Variants in LEKR1 observed in about 807,000 individuals in gnomAD.
LEKR1 encodes the protein leucine, glutamate and lysine rich 1.
LEKR1 carries 59 observed loss-of-function variants against 72.4 expected under a neutral mutation model. The ratio of observed to expected loss-of-function variants is 0.82; its 90% CI spans 0.66 to 1.01. The LOEUF is 1.01. Ranked by LOEUF, LEKR1 falls within the 50% of genes least tolerant of loss-of-function variation. LEKR1 has a pLI of 0.00. For missense variants in LEKR1, 728 were observed against 759.2 expected, an observed-to-expected ratio of 0.96 and a Z score of 0.48; for synonymous variants, 257 against 263.2, an observed-to-expected ratio of 0.98 and a Z score of 0.23.
chr3:157,014,505 C>G (rs1006018644), intron 10 of LEKR1, among the ~76,000 whole-genome samples: 2 of 151,972 alleles, frequency 1.3e-5, no homozygotes, highest in African/African-American at 2.4e-5. Flanking sequence ...CCTAATAATT[C>G]CTAACGTGTT....
intron 3 of LEKR1, among the ~76,000 whole-genome samples, chr3:156,910,086 GA>G (rs1157055983): frequency 6.6e-6 from 1 of 152,036 alleles, no homozygotes; most frequent in African/African-American, 2.4e-5. Flanking sequence ...AAGTGGGGAT[GA>G]AAAAAGAGGA....
At chr3:157,035,784 A>T (rs1220110428) in intron 12 of LEKR1, among the ~76,000 whole-genome samples, 1 of 152,188 alleles carries the variant, frequency 6.6e-6, no homozygotes, top group Non-Finnish European at 1.5e-5. Flanking sequence ...CTGTAATCCC[A>T]GCTACTTGGG....
At chr3:156,923,659 CAT>C (rs752623657) in intron 4 of LEKR1, among the ~76,000 whole-genome samples, 6 of 151,996 alleles carry the variant, frequency 3.9e-5, no homozygotes, top group Non-Finnish European at 8.8e-5. Context: ...TTTGTGTGGA[CAT>C]ATGTTTTCAA....
chr3:157,001,436 C>G (rs1427895224), intron 9 of LEKR1, among the ~76,000 whole-genome samples: 2 of 152,140 alleles, frequency 1.3e-5, no homozygotes, highest in East Asian at 3.8e-4. Flanking sequence ...GAATTTAAAA[C>G]TGTCATTTTG....
At position 157,045,788 on chromosome 3, in the gene LEKR1, C is replaced by A. The variant is rs759504421; in HGVS notation, c.*38C>A. 1.7e-5 allele frequency: 27 copies of A among 1,565,966 alleles called. No individual in the cohort carries two copies. The African/African-American group carries it at 2.2e-4, about 13-fold the overall frequency. ...AGCAGGAAGCTCCCTACAGCGTGCA[C>A]GCTCTTTCAGAGAGTGCCAGGAATT... On this transcript the variant is annotated 3_prime_UTR_variant, in exon 13 of 13. Transcript: ENST00000356539.
chr3:156,870,741 C>A (rs1231505484), intron 3 of LEKR1, among the ~76,000 whole-genome samples: 1 of 151,960 alleles, frequency 6.6e-6, no homozygotes, highest in Non-Finnish European at 1.5e-5. Flanking sequence ...AGTGTGTATC[C>A]TTGTCTTATT....
At chr3:156,952,941 A>G (rs1727297174) in intron 6 of LEKR1, among the ~76,000 whole-genome samples, 1 of 151,500 alleles carries the variant, frequency 6.6e-6, no homozygotes, top group Non-Finnish European at 1.5e-5. Context: ...GCTCCAAACT[A>G]TATTGTCAAA....
intron 3 of LEKR1, among the ~76,000 whole-genome samples, chr3:156,887,361 G>T (rs1560053726): frequency 6.6e-6 from 1 of 152,074 alleles, no homozygotes; most frequent in Non-Finnish European, 1.5e-5. Context: ...GAGTGTGGCT[G>T]TAAAGCCTAG....
intron 12 of LEKR1, among the ~76,000 whole-genome samples, chr3:157,040,192 T>G (rs1464947848): frequency 6.6e-6 from 1 of 152,204 alleles, no homozygotes; most frequent in East Asian, 1.9e-4. Flanking sequence ...TAGTTAAATT[T>G]TGTATGTTTA....
At chr3:156,974,184 T>G (rs1729494531) in intron 6 of LEKR1, among the ~76,000 whole-genome samples, 1 of 152,140 alleles carries the variant, frequency 6.6e-6, no homozygotes, top group South Asian at 2.1e-4. Flanking sequence ...AAATATTATG[T>G]ATCAGTCAGA....
chr3:156,907,366 A>C (rs1722626224), intron 3 of LEKR1, among the ~76,000 whole-genome samples: 1 of 151,974 alleles, frequency 6.6e-6, no homozygotes, highest in Non-Finnish European at 1.5e-5. Flanking sequence ...CCCATTGATA[A>C]ATCTTGGCAT....
At chr3:156,897,464 C>T (rs1301362251) in intron 3 of LEKR1, among the ~76,000 whole-genome samples, 1 of 148,686 alleles carries the variant, frequency 6.7e-6, no homozygotes, top group African/African-American at 2.5e-5. Flanking sequence ...TTTAGGGAGG[C>T]ATGAGACATC....
chr3:156,862,760 A>G (rs561789628), intron 3 of LEKR1, among the ~76,000 whole-genome samples: 1 of 152,176 alleles, frequency 6.6e-6, no homozygotes, highest in East Asian at 1.9e-4. Context: ...ATTAATTCCA[A>G]TTTAATTGGT....
intron 2 of LEKR1, among the ~76,000 whole-genome samples, chr3:156,830,382 TTC>T (rs1201032981): frequency 6.6e-6 from 1 of 152,196 alleles, no homozygotes; most frequent in Admixed American, 6.5e-5. Flanking sequence ...TGGAAGTACT[TTC>T]AAGAAGCAGA....
intron 7 of LEKR1, among the ~76,000 whole-genome samples, chr3:156,984,887 C>T (rs1281355237): frequency 6.6e-6 from 1 of 151,970 alleles, no homozygotes; most frequent in Admixed American, 6.6e-5. Context: ...CTTGGCCTTT[C>T]AACAGCATCT....
At chr3:156,865,175 T>C (rs1275107256) in intron 3 of LEKR1, among the ~76,000 whole-genome samples, 1 of 152,030 alleles carries the variant, frequency 6.6e-6, no homozygotes, top group African/African-American at 2.4e-5. Flanking sequence ...TTAGCATATG[T>C]TACCCCCATC....
In LEKR1 at chr3:156,911,540, C is replaced by G. The variant is rs1291353421; in HGVS notation, c.264-9035C>G. Among the ~76,000 whole-genome samples, 3 of 151,944 alleles carry G rather than the reference C, an allele frequency of 2.0e-5. No individual in the cohort carries two copies. The East Asian group carries it at 5.8e-4, about 29-fold the overall frequency. On this transcript the variant is annotated intron_variant, in intron 3 of 12. Coordinates refer to ENST00000356539, the MANE Select transcript of LEKR1 (RefSeq NM_001004316.3). ...CCTTTATCAATTTTTGTTTTTCTTT[C>G]AGTTGCTTTGAAGAGTTAGCTGTAA...
At chr3:157,029,777 A>T (rs1346706283) in intron 12 of LEKR1, among the ~76,000 whole-genome samples, 1 of 152,150 alleles carries the variant, frequency 6.6e-6, no homozygotes, top group Non-Finnish European at 1.5e-5. Flanking sequence ...AGACAGCAGT[A>T]GTGAATCTCT....
chr3:156,989,462 A>G (rs1730978331), intron 7 of LEKR1, among the ~76,000 whole-genome samples: 1 of 152,194 alleles, frequency 6.6e-6, no homozygotes, highest in South Asian at 2.1e-4. Flanking sequence ...TGTAATCTCA[A>G]CAGTGTTTAT....
Sources: gnomAD v4.1 joint callset for allele counts (sites outside exome capture counted in the v4.1 genomes callset) on GRCh38, gnomAD v4.1.1 for gene constraint, MANE v1.5 for transcripts, NCBI Gene and HGNC (gene_info 2026-07-23, HGNC 2026-07-21) for gene names.